Variants in DYM observed in about 807,000 individuals in gnomAD.
DYM encodes dyggve-Melchior-Clausen syndrome protein.
DYM carries 78 observed loss-of-function variants against 93.1 expected under a neutral mutation model. That is an observed-to-expected ratio of 0.84 (90% CI 0.70 to 1.01). The LOEUF (loss-of-function observed/expected upper bound fraction) is 1.01, where lower values mean the gene tolerates loss of function less well. DYM is among the 50% of genes least tolerant of loss of function. The pLI is 0.00. For missense variants in DYM, 789 were observed against 845.0 expected, an observed-to-expected ratio of 0.93 and a Z score of 0.82; for synonymous variants, 321 against 319.7, an observed-to-expected ratio of 1.00 and a Z score of -0.04.
At chr18:49,358,085 G>C (rs1003681919) in intron 6 of DYM, among the ~76,000 whole-genome samples, 1 of 152,148 alleles carries the variant, frequency 6.6e-6, no homozygotes, top group Non-Finnish European at 1.5e-5. Flanking sequence ...GGGCAGTTGA[G>C]GCTATACTGA....
At chr18:49,218,167 C>T (rs1289548731) in intron 13 of DYM, among the ~76,000 whole-genome samples, 3 of 152,162 alleles carry the variant, frequency 2.0e-5, no homozygotes, top group Non-Finnish European at 4.4e-5. Flanking sequence ...AAGGCCATTA[C>T]ATAATGGTAA....
intron 14 of DYM, among the ~76,000 whole-genome samples, chr18:49,168,858 A>T (rs918605574): frequency 6.6e-6 from 1 of 152,162 alleles, no homozygotes; most frequent in Non-Finnish European, 1.5e-5. Context: ...GGAAAAGCAA[A>T]CGGGGAGGAA....
intron 8 of DYM, among the ~76,000 whole-genome samples, chr18:49,309,589 C>T (rs1473108800): frequency 3.3e-5 from 5 of 152,226 alleles, no homozygotes; most frequent in East Asian, 1.9e-4. Context: ...GAGCCATGAT[C>T]GCACCACTGT....
At chr18:49,404,046 C>T (rs1202802618) in intron 2 of DYM, among the ~76,000 whole-genome samples, 1 of 151,584 alleles carries the variant, frequency 6.6e-6, no homozygotes, top group Non-Finnish European at 1.5e-5. Flanking sequence ...CTCTTTCTGT[C>T]ACCCAGGCTG....
At chr18:49,222,736 A>C (rs943171973) in intron 13 of DYM, among the ~76,000 whole-genome samples, 1 of 152,164 alleles carries the variant, frequency 6.6e-6, no homozygotes, top group Non-Finnish European at 1.5e-5. Context: ...ATTAAAAGGA[A>C]GAAGTTAAGC....
At chr18:49,362,274 G>C (rs529979391) in intron 6 of DYM, among the ~76,000 whole-genome samples, 4 of 152,230 alleles carry the variant, frequency 2.6e-5, no homozygotes, top group African/African-American at 9.6e-5. Context: ...GAGGTGGGAG[G>C]ATCACTTGAA....
At chr18:49,080,691 C>T (rs1181745249) in intron 17 of DYM, among the ~76,000 whole-genome samples, 2 of 149,932 alleles carry the variant, frequency 1.3e-5, no homozygotes, top group Non-Finnish European at 3.0e-5. Flanking sequence ...CAGAGACGCT[C>T]CTCACTTCCC....
At chr18:49,227,473 C>T (rs1334295198) in intron 13 of DYM, among the ~76,000 whole-genome samples, 15 of 152,106 alleles carry the variant, frequency 9.9e-5, no homozygotes, top group Non-Finnish European at 7.4e-5. Flanking sequence ...CATATATATA[C>T]ACAGAAATTA....
Position 49,430,160 on chromosome 18 carries a change from T to C in DYM, c.140+95A>G, listed in dbSNP as rs183351962. 1.4e-3 allele frequency: 1,665 copies of C among 1,157,502 alleles called. 27 individuals carry two copies. The South Asian group carries it at 0.015, about 10-fold the overall frequency. 71.7% of individuals were successfully genotyped at this position (1,157,502 alleles called of 1,614,324 possible). A position where few individuals can be genotyped will look rare whatever the true frequency, so the allele number is the denominator to read the frequency against. On this transcript the variant is annotated intron_variant, in intron 2 of 17. Coordinates refer to ENST00000675505, the MANE Select transcript of DYM (RefSeq NM_001353214.3). ...ATGTATGACAGATAGACTAGATAGATAGACAGAACATTTCTAAATTTTTTT... is the reference window on the plus strand; with the variant it reads ...ATGTATGACAGATAGACTAGATAGACAGACAGAACATTTCTAAATTTTTTT...
chr18:49,442,875 T>G (rs76006280), intron 1 of DYM, among the ~76,000 whole-genome samples: 2,450 of 151,926 alleles, frequency 0.016, 66 homozygotes, highest in Admixed American at 0.064. Flanking sequence ...TTTTTTTTTT[T>G]CAGACAGGGT....
chr18:49,375,602 A>G (rs937676521), intron 5 of DYM: 3 of 152,186 alleles, frequency 2.0e-5, no homozygotes, highest in African/African-American at 7.2e-5. Context: ...TTTATTCAAG[A>G]ATAATAAAGT....
At chr18:49,290,746 C>T (rs559498015) in intron 8 of DYM, among the ~76,000 whole-genome samples, 1 of 152,166 alleles carries the variant, frequency 6.6e-6, no homozygotes, top group East Asian at 1.9e-4. Flanking sequence ...AGGTCCCTGG[C>T]AGGGTCCACT....
At chr18:49,378,311 T>A (rs573250862) in intron 5 of DYM, among the ~76,000 whole-genome samples, 1 of 152,196 alleles carries the variant, frequency 6.6e-6, no homozygotes, top group Admixed American at 6.5e-5. Context: ...TTCATCCACA[T>A]GCATGAAAGT....
At chr18:49,333,640 T>C (rs1173032432) in intron 7 of DYM, 88 bp downstream of exon 7, 1 of 1,369,056 alleles carries the variant, frequency 7.3e-7, no homozygotes, top group Non-Finnish European at 1.0e-6. Flanking sequence ...TGGTTGGAGA[T>C]ATGGGACGAT....
At chr18:49,217,759 A>C (rs1240469350) in intron 13 of DYM, among the ~76,000 whole-genome samples, 1 of 152,238 alleles carries the variant, frequency 6.6e-6, no homozygotes. Flanking sequence ...AGGAAGCACT[A>C]AACATGGAAA....
At chr18:49,314,780 C>T (rs913669115) in intron 8 of DYM, among the ~76,000 whole-genome samples, 1 of 152,210 alleles carries the variant, frequency 6.6e-6, no homozygotes, top group Non-Finnish European at 1.5e-5. Context: ...GGAATTCAGA[C>T]ATTCATATCG....
rs1442862020 is a variant in DYM, at chr18:49,428,046, G to A, written c.140+2209C>T. Among the ~76,000 whole-genome samples, 7 of 151,508 alleles carry A rather than the reference G, an allele frequency of 4.6e-5. No individual in the cohort carries two copies. In the East Asian group the frequency reaches 5.8e-4, roughly 13 times the overall value. On this transcript the variant is annotated intron_variant, in intron 2 of 17. Transcript: ENST00000675505. ...TTCAAGGCTATAGTGAGCTACGATC[G>A]CACCACTGCAATCCAGCCTGGGCAA... is the stretch of plus-strand genomic sequence containing the variant.
chr18:49,204,054 T>G (rs1039674136), intron 14 of DYM, among the ~76,000 whole-genome samples: 1 of 151,906 alleles, frequency 6.6e-6, no homozygotes, highest in African/African-American at 2.4e-5. Flanking sequence ...TCTACCTAAA[T>G]CAGGTCCATG....
intron 5 of DYM, among the ~76,000 whole-genome samples, 154 bp from the exon 6 acceptor site, chr18:49,363,387 T>A (rs1773724657): frequency 6.6e-6 from 1 of 152,236 alleles, no homozygotes; most frequent in Non-Finnish European, 1.5e-5. Context: ...ATCCAAATCA[T>A]GAATAGGTTA....
Sources: allele counts gnomAD v4.1 joint callset (sites outside exome capture counted in the v4.1 genomes callset), GRCh38; gene constraint gnomAD v4.1.1; transcripts MANE v1.5; gene names NCBI Gene and HGNC (gene_info 2026-07-23, HGNC 2026-07-21).